Variants in FGF14 observed in about 807,000 individuals in gnomAD.
FGF14 encodes the protein fibroblast growth factor 14.
FGF14 carries 5 observed loss-of-function variants against 25.5 expected under a neutral mutation model. The observed-to-expected ratio is 0.20, with a 90% CI of 0.10 to 0.41. The LOEUF is 0.41. Among genes scored for constraint, FGF14 ranks in the 10% least tolerant of loss-of-function variants. FGF14 has a pLI of 1.00. For synonymous variants in FGF14, 138 were observed against 118.3 expected, an observed-to-expected ratio of 1.17 and a Z score of -1.08; for missense variants, 222 against 320.1, an observed-to-expected ratio of 0.69 and a Z score of 2.34.
chr13:102,223,928 A>G (rs117772788), intron 1 of FGF14, among the ~76,000 whole-genome samples: 2,086 of 152,296 alleles, frequency 0.014, 19 homozygotes, highest in Non-Finnish European at 0.019. Flanking sequence ...TCTGATATAA[A>G]TGACAGAATA....
chr13:102,087,403 A>ATTTT (rs1485606038), intron 1 of FGF14, among the ~76,000 whole-genome samples: 13 of 80,504 alleles, frequency 1.6e-4, no homozygotes, highest in African/African-American at 5.8e-4. Context: ...ATAGACTGTA[A>ATTTT]TTTCTTTTTT....
In FGF14 at chr13:102,161,570, A is replaced by AAGAAGAAGAAAGAAGAAGAAGAAGAAG; in HGVS notation, c.208+239900_208+239901insCTTCTTCTTCTTCTTCTTTCTTCTTCT. Among the ~76,000 whole-genome samples the AAGAAGAAGAAAGAAGAAGAAGAAGAAG allele has an allele frequency of 3.5e-4, 2 of 5,652 alleles. 1 individual carries two copies. The highest frequency in any genetic ancestry group is 0.016 in the South Asian group (2 of 124). The allele number at this position is 5,652 out of a possible 152,430, so 3.7% of individuals were successfully genotyped here. On this transcript the variant is annotated intron_variant, in intron 1 of 4. Coordinates refer to the FGF14 transcript ENST00000376131. ...TCTATGCAACCAACTTTCTGTGAAG[A>AAGAAGAAGAAAGAAGAAGAAGAAGAAG]AAGAAAGAAGAAGAAGAAGAAGAAG... is the stretch of plus-strand genomic sequence containing the variant.
chr13:101,811,832 T>G (rs1334754898), intron 3 of FGF14, among the ~76,000 whole-genome samples: 1 of 152,166 alleles, frequency 6.6e-6, no homozygotes, highest in East Asian at 1.9e-4. Context: ...AAACTGCTGT[T>G]TGAATGAGCC....
rs1421195619 is a variant in FGF14 at position 102,400,315 on chromosome 13, G to C, written c.208+1156C>G. 6.6e-6 allele frequency among the ~76,000 whole-genome samples: 1 copy of C among 152,172 alleles called. No individual in the cohort carries two copies. The highest frequency in any genetic ancestry group is 2.1e-4 in the South Asian group (1 of 4,828). Reference sequence around the variant, plus strand: ...TTCCAGAGCCCGGGCTGCCACTGCGGGACGGCCGATCTGCCCGCTCCCTCC... The same window carrying C: ...TTCCAGAGCCCGGGCTGCCACTGCGCGACGGCCGATCTGCCCGCTCCCTCC... On this transcript the variant is annotated intron_variant, in intron 1 of 4. Transcript: ENST00000376131. This position sits in a 1 kb window ranked among gnomAD's most constrained non-coding sequence, Gnocchi z 4.3.
chr13:101,737,730 C>A (rs1000456580), intron 3 of FGF14, among the ~76,000 whole-genome samples: 3 of 152,056 alleles, frequency 2.0e-5, no homozygotes, highest in Non-Finnish European at 2.9e-5. Context: ...AATATTCTTG[C>A]AATTCCATAC....
intron 1 of FGF14, among the ~76,000 whole-genome samples, chr13:102,278,643 T>TATATATATATATATATAG (rs533976591): frequency 6.8e-6 from 1 of 146,934 alleles, no homozygotes. Context: ...TATATATATA[T>TATATATATATATATATAG]ATACATACAC....
intron 1 of FGF14, among the ~76,000 whole-genome samples, chr13:102,384,286 G>A (rs985221377): frequency 6.6e-6 from 1 of 152,038 alleles, no homozygotes; most frequent in Non-Finnish European, 1.5e-5. Flanking sequence ...TGTATTACAC[G>A]ACAAAGAACT....
At chr13:101,892,914 C>T (rs1566389043) in intron 1 of FGF14, among the ~76,000 whole-genome samples, 1 of 152,024 alleles carries the variant, frequency 6.6e-6, no homozygotes, top group African/African-American at 2.4e-5. Flanking sequence ...GTTAATTATA[C>T]AAAAAATGAA....
chr13:101,937,429 T>C (rs186816256), intron 1 of FGF14, among the ~76,000 whole-genome samples: 12 of 152,194 alleles, frequency 7.9e-5, no homozygotes, highest in Admixed American at 6.5e-4. Context: ...CACACAGAGA[T>C]CCCAGGGTTG....
At chr13:102,167,674 A>G (rs2140651908) in intron 1 of FGF14, among the ~76,000 whole-genome samples, 1 of 152,226 alleles carries the variant, frequency 6.6e-6, no homozygotes, top group East Asian at 1.9e-4. Context: ...AAGTAATAAC[A>G]CTGAACCTGT....
At chr13:102,302,341 A>T (rs554460335) in intron 1 of FGF14, among the ~76,000 whole-genome samples, 1 of 152,212 alleles carries the variant, frequency 6.6e-6, no homozygotes, top group South Asian at 2.1e-4. Context: ...TGGCTTCAGG[A>T]ATCATGCTTG....
intron 1 of FGF14, among the ~76,000 whole-genome samples, chr13:102,007,885 T>C (rs144264793): frequency 6.6e-6 from 1 of 152,180 alleles, no homozygotes; most frequent in Non-Finnish European, 1.5e-5. Flanking sequence ...TGGAATAAAG[T>C]GGAGCAGATG....
chr13:101,918,877 C>T (rs1219753007), upstream of FGF14, among the ~76,000 whole-genome samples: 1 of 152,236 alleles, frequency 6.6e-6, no homozygotes, highest in African/African-American at 2.4e-5. Context: ...TGCTATGTTA[C>T]ATCTACAAAT....
chr13:101,936,758 T>C (rs2035132547), intron 1 of FGF14, among the ~76,000 whole-genome samples: 2 of 152,204 alleles, frequency 1.3e-5, no homozygotes, highest in Admixed American at 1.3e-4. Flanking sequence ...CCATGGCGTA[T>C]ATTGTCAATA....
At chr13:101,866,628 G>A (rs1452280432) in intron 3 of FGF14, among the ~76,000 whole-genome samples, 1 of 151,996 alleles carries the variant, frequency 6.6e-6, no homozygotes, top group African/African-American at 2.4e-5. Flanking sequence ...TTGCTATATT[G>A]TGCTCTATAT....
At position 101,713,922 on chromosome 13, in the gene FGF14, C is replaced by T. The variant is rs1429536984; in HGVS notation, c.*8909G>A. 1 of 152,962 alleles carries T rather than the reference C, an allele frequency of 6.5e-6. No homozygotes were observed. The highest frequency in any genetic ancestry group is 6.5e-5 in the Admixed American group (1 of 15,398). The allele number at this position is 152,962 out of a possible 1,614,324, so 9.5% of individuals were successfully genotyped here. A position where few individuals can be genotyped will look rare whatever the true frequency, so the allele number is the denominator to read the frequency against. On this transcript the variant is annotated 3_prime_UTR_variant, in exon 5 of 5. Transcript: ENST00000376143. ...TGAGTGACTGTATGCATTTTTAGCA[C>T]TTTAATTAGCCACCCAATATGCAGG...
chr13:102,057,298 G>T (rs1043646194), intron 1 of FGF14, among the ~76,000 whole-genome samples: 2 of 152,058 alleles, frequency 1.3e-5, no homozygotes, highest in African/African-American at 4.8e-5. Context: ...ATAGTTTAAT[G>T]AATATTTTAC....
At chr13:102,371,523 T>G (rs1036592523) in intron 1 of FGF14, among the ~76,000 whole-genome samples, 2 of 152,208 alleles carry the variant, frequency 1.3e-5, no homozygotes, top group Non-Finnish European at 2.9e-5. Flanking sequence ...TTTCTGGATC[T>G]CAGAAGCAAT....
intron 1 of FGF14, among the ~76,000 whole-genome samples, chr13:102,175,104 C>T (rs1165409308): frequency 6.6e-6 from 1 of 152,014 alleles, no homozygotes. Context: ...TTCTAAAATT[C>T]CTGTAGAACC....
Sources: allele counts gnomAD v4.1 joint callset (sites outside exome capture counted in the v4.1 genomes callset), GRCh38; gene constraint gnomAD v4.1.1; non-coding constraint Gnocchi (gnomAD v3.1); transcripts MANE v1.5; gene names NCBI Gene and HGNC (gene_info 2026-07-23, HGNC 2026-07-21).